Variants in BARD1 observed in about 807,000 individuals in gnomAD.
BARD1 encodes the protein BRCA1 associated RING domain 1.
In BARD1, 73 loss-of-function variants were observed where a neutral mutation model predicts 77.0. The ratio of observed to expected loss-of-function variants is 0.95; its 90% CI spans 0.79 to 1.15. The LOEUF is 1.15. Among genes scored for constraint, BARD1 ranks in the 50% most tolerant of loss-of-function variants. BARD1 has a pLI of 0.00. For missense variants in BARD1, 993 were observed against 938.8 expected, an observed-to-expected ratio of 1.06 and a Z score of -0.75; for synonymous variants, 384 against 338.0, an observed-to-expected ratio of 1.14 and a Z score of -1.49.
At chr2:214,791,192 T>C (rs1211428630) in intron 3 of BARD1, among the ~76,000 whole-genome samples, 3 of 152,170 alleles carry the variant, frequency 2.0e-5, no homozygotes, top group Non-Finnish European at 2.9e-5. Context: ...TTGAATACAA[T>C]GACGCAGATA....
chr2:214,767,579 C>T lies in BARD1; in HGVS notation c.1471G>A (p.Gly491Arg), dbSNP rs587782003. The T allele has an allele frequency of 3.1e-6, 5 of 1,614,034 alleles. No homozygotes were observed. Among genetic ancestry groups the T allele is most frequent in the South Asian group, 1.1e-5 (1 of 91,082 alleles). ...TGAAGTGGTGAGTCATTTTGATACC[C>T]GGTGGTGTTCACCAATGCCTTATGC... ...LQHKALVNTT[G>R]YQNDSPLHDA... The change falls in exon 6 of 11, where the codon GGG (glycine) becomes AGG (arginine). Residue 491 changes from glycine to arginine, a missense_variant. Gly to Arg is a moderately radical substitution (Grantham distance 125). Transcript: ENST00000260947.
rs185081827 is a variant in BARD1, at chr2:214,762,141, G to A, written c.1568+5341C>T. Among the ~76,000 whole-genome samples the A allele has an allele frequency of 2.6e-3, 391 of 152,066 alleles. 6 individuals are homozygous for A. The South Asian group carries it at 0.035, about 14-fold the overall frequency. ...TTTTGAGCACCAATATGACACAAGC[G>A]GAAAATTCCAAACACAGTACTTAAA... On this transcript the variant is annotated intron_variant, in intron 6 of 10. Transcript: ENST00000260947.
At chr2:214,804,729 A>G (rs757757474) in intron 1 of BARD1, among the ~76,000 whole-genome samples, 4 of 152,322 alleles carry the variant, frequency 2.6e-5, no homozygotes, top group South Asian at 2.1e-4. Context: ...TTGTTAGGCT[A>G]CTATCACTGA....
chr2:214,726,740 A>C lies in BARD1; in HGVS notation c.*1936T>G. The C allele has an allele frequency of 4.4e-6, 1 of 228,536 alleles. No homozygotes were observed. The highest frequency in any genetic ancestry group is 6.3e-5 in the East Asian group (1 of 15,876). The allele number at this position is 228,536 out of a possible 1,614,324, so 14.2% of individuals were successfully genotyped here. On this transcript the variant is annotated 3_prime_UTR_variant, in exon 11 of 11. Transcript: ENST00000260947. ...GTATATCTACACAGAAAGTACAATCACAAGTTTCAAGAGCTTAACACAAAC... is the reference window on the plus strand; with the variant it reads ...GTATATCTACACAGAAAGTACAATCCCAAGTTTCAAGAGCTTAACACAAAC...
intron 1 of BARD1, among the ~76,000 whole-genome samples, chr2:214,807,390 T>A (rs924171930): frequency 1.3e-5 from 2 of 152,168 alleles, no homozygotes; most frequent in Non-Finnish European, 2.9e-5. Context: ...TGAAACCGGC[T>A]TTGTTATTTT....
chr2:214,762,147 T>A (rs1693994530), intron 6 of BARD1, among the ~76,000 whole-genome samples: 1 of 152,012 alleles, frequency 6.6e-6, no homozygotes, highest in South Asian at 2.1e-4. Flanking sequence ...AAGCGGAAAA[T>A]TCCAAACACA....
chr2:214,805,645 A>T (rs972545054), intron 1 of BARD1, among the ~76,000 whole-genome samples: 1 of 152,208 alleles, frequency 6.6e-6, no homozygotes, highest in African/African-American at 2.4e-5. Context: ...TAAATAATGG[A>T]GCCAGGATTT....
intron 9 of BARD1, among the ~76,000 whole-genome samples, chr2:214,743,563 A>T (rs1408143839): frequency 2.0e-5 from 3 of 151,608 alleles, no homozygotes; most frequent in Non-Finnish European, 2.9e-5. Context: ...TACGATCCAT[A>T]GAGCTTATTC....
chr2:214,737,139 G>A (rs1187446118), intron 9 of BARD1, among the ~76,000 whole-genome samples: 1 of 152,072 alleles, frequency 6.6e-6, no homozygotes, highest in Non-Finnish European at 1.5e-5. Flanking sequence ...ACAAAAGCCA[G>A]GTAGATTACA....
At chr2:214,746,569 A>T (rs1693126527) in intron 7 of BARD1, among the ~76,000 whole-genome samples, 1 of 149,698 alleles carries the variant, frequency 6.7e-6, no homozygotes, top group Non-Finnish European at 1.5e-5. Context: ...GAAGTGAAAG[A>T]CTCCAGGAAA....
chr2:214,735,570 C>T (rs981709873), intron 9 of BARD1, among the ~76,000 whole-genome samples: 1 of 152,112 alleles, frequency 6.6e-6, no homozygotes, highest in African/African-American at 2.4e-5. Context: ...AACTGAAATG[C>T]TAAGAAGTCA....
intron 7 of BARD1, among the ~76,000 whole-genome samples, chr2:214,746,487 A>G (rs1693122887): frequency 6.6e-6 from 1 of 152,222 alleles, no homozygotes; most frequent in South Asian, 2.1e-4. Context: ...TTTAAAATCT[A>G]GACTTAGAAT....
At chr2:214,786,083 C>A (rs1472584170) in intron 3 of BARD1, among the ~76,000 whole-genome samples, 1 of 151,800 alleles carries the variant, frequency 6.6e-6, no homozygotes, top group South Asian at 2.1e-4. Context: ...GAGTTCTAAA[C>A]CTAAGGTACT....
Position 214,745,102 on chromosome 2 carries a change from C to T in BARD1, c.1868G>A (p.Gly623Glu), listed in dbSNP as rs587782252. 37 of 1,613,832 alleles carry T rather than the reference C, an allele frequency of 2.3e-5. No individual in the cohort carries two copies. The highest frequency in any genetic ancestry group is 3.1e-5 in the Non-Finnish European group (36 of 1,179,966). The change falls in exon 9 of 11, where the codon GGG becomes GAG. Residue 623 changes from glycine (G) to glutamate (E), a missense_variant. Physicochemically the swap from Gly to Glu is moderately conservative, Grantham distance 98. Coordinates refer to ENST00000260947, the MANE Select transcript of BARD1 (RefSeq NM_000465.4). The part of the protein sequence containing the change: ...AVQSTLKCML[G>E]ILNGCWILKF... ...TAGAATCCAGCATCCATTGAGAATCCCAAGCATACACTTCAAGGTACTTTG... is the reference window on the plus strand; with the variant it reads ...TAGAATCCAGCATCCATTGAGAATCTCAAGCATACACTTCAAGGTACTTTG...
chr2:214,799,561 A>T (rs1695920344), intron 1 of BARD1, among the ~76,000 whole-genome samples: 1 of 152,030 alleles, frequency 6.6e-6, no homozygotes, highest in African/African-American at 2.4e-5. Context: ...GGAAAATTCG[A>T]TCTCCTTTAG....
chr2:214,747,149 C>T (rs1693161172), intron 7 of BARD1, among the ~76,000 whole-genome samples: 1 of 151,686 alleles, frequency 6.6e-6, no homozygotes. Flanking sequence ...ATCAAAACCA[C>T]AGTGAGATAC....
intron 1 of BARD1, among the ~76,000 whole-genome samples, chr2:214,806,177 T>C (rs1436438029): frequency 1.3e-5 from 2 of 152,180 alleles, no homozygotes; most frequent in African/African-American, 4.8e-5. Context: ...CAAGAAAGGA[T>C]GCCCGGTTAT....
intron 5 of BARD1, among the ~76,000 whole-genome samples, chr2:214,768,365 G>A (rs1224285846): frequency 6.6e-6 from 1 of 152,168 alleles, no homozygotes; most frequent in Non-Finnish European, 1.5e-5. Flanking sequence ...TAGGAGAAAG[G>A]AATCCAAACT....
rs1423687196 is a variant in BARD1, at chr2:214,780,806, A to C, written c.1068T>G (p.Asn356Lys). 6.2e-7 allele frequency: 1 copy of C among 1,613,906 alleles called. No individual in the cohort carries two copies. Among genetic ancestry groups the C allele is most frequent in the Admixed American group, 1.7e-5 (1 of 59,984 alleles). ...DFVKQTVPSE[N>K]IPLPECSSPP... ...GTGAAGAACATTCAGGCAATGGTATATTTTCTGAGGGCACCGTTTGCTTAA... is the reference window on the plus strand; with the variant it reads ...GTGAAGAACATTCAGGCAATGGTATCTTTTCTGAGGGCACCGTTTGCTTAA... Residue 356 changes from asparagine to lysine, a missense_variant, in exon 4 of 11, where the codon AAT becomes AAG. Coordinates refer to ENST00000260947, the MANE Select transcript of BARD1 (RefSeq NM_000465.4).
Sources: allele counts gnomAD v4.1 joint callset (sites outside exome capture counted in the v4.1 genomes callset), GRCh38; gene constraint gnomAD v4.1.1; transcripts MANE v1.5; gene names NCBI Gene and HGNC (gene_info 2026-07-23, HGNC 2026-07-21).